MAPK10: variants seen among roughly 807,000 people sequenced by gnomAD.
The protein encoded by MAPK10 is mitogen-activated protein kinase 10.
Under a neutral mutation model 59.3 loss-of-function variants are expected in MAPK10, and 25 were observed. That is an observed-to-expected ratio of 0.42 (90% CI 0.31 to 0.59). The LOEUF (loss-of-function observed/expected upper bound fraction) is 0.59. Among genes scored for constraint, MAPK10 ranks in the 20% least tolerant of loss-of-function variants. MAPK10 has a pLI of 0.15. For synonymous variants in MAPK10, 190 were observed against 200.5 expected, an observed-to-expected ratio of 0.95 and a Z score of 0.44; for missense variants, 351 against 568.9, an observed-to-expected ratio of 0.62 and a Z score of 3.90.
intron 2 of MAPK10, among the ~76,000 whole-genome samples, chr4:86,268,903 A>G (rs2094342651): frequency 6.6e-6 from 1 of 152,260 alleles, no homozygotes; most frequent in African/African-American, 2.4e-5. Context: ...TCTCAGCAGT[A>G]AAATATATAC....
At chr4:86,424,629 C>T (rs1186496911) in intron 1 of MAPK10, among the ~76,000 whole-genome samples, 1 of 152,088 alleles carries the variant, frequency 6.6e-6, no homozygotes, top group African/African-American at 2.4e-5. Flanking sequence ...TGGGAATCTC[C>T]CTCTTGAATC....
chr4:86,478,690 T>C (rs554487551), intron 1 of MAPK10, among the ~76,000 whole-genome samples: 4 of 152,250 alleles, frequency 2.6e-5, no homozygotes, highest in African/African-American at 7.2e-5. Context: ...GCCCCATGAC[T>C]ATATCTCTCT....
chr4:86,186,954 C>A (rs2078385057), intron 3 of MAPK10, among the ~76,000 whole-genome samples: 1 of 152,030 alleles, frequency 6.6e-6, no homozygotes, highest in African/African-American at 2.4e-5. Flanking sequence ...GTTAAGTATA[C>A]CATTGTTTGT....
intron 1 of MAPK10, among the ~76,000 whole-genome samples, chr4:86,398,559 C>T (rs899822019): frequency 5.3e-5 from 8 of 152,084 alleles, no homozygotes; most frequent in East Asian, 1.9e-4. Context: ...TCTTACTTAC[C>T]GCACATTTTT....
At chr4:86,369,452 T>A (rs1011451897) in intron 1 of MAPK10, among the ~76,000 whole-genome samples, 1 of 152,166 alleles carries the variant, frequency 6.6e-6, no homozygotes, top group African/African-American at 2.4e-5. Flanking sequence ...TAATACATGA[T>A]GATCGTATAC....
chr4:86,169,014 G>T (rs567574038), intron 3 of MAPK10, among the ~76,000 whole-genome samples: 1 of 152,238 alleles, frequency 6.6e-6, no homozygotes, highest in South Asian at 2.1e-4. Flanking sequence ...CTGTCTGTTA[G>T]AAGGAAAACT....
chr4:86,117,077 T>C (rs1349879120), intron 4 of MAPK10, among the ~76,000 whole-genome samples: 1 of 152,192 alleles, frequency 6.6e-6, no homozygotes, highest in Non-Finnish European at 1.5e-5. Context: ...CATCATAAAA[T>C]ACATCTTCCA....
intron 1 of MAPK10, among the ~76,000 whole-genome samples, chr4:86,464,862 A>G (rs1268217353): frequency 6.6e-6 from 1 of 152,102 alleles, no homozygotes; most frequent in East Asian, 1.9e-4. Context: ...CACTCACATT[A>G]GGGCTCATAC....
intron 3 of MAPK10, among the ~76,000 whole-genome samples, chr4:86,188,771 G>T (rs1029291574): frequency 6.6e-6 from 1 of 151,936 alleles, no homozygotes; most frequent in African/African-American, 2.4e-5. Flanking sequence ...GTCAATTTTG[G>T]CTTTTGTTGC....
intron 2 of MAPK10, among the ~76,000 whole-genome samples, chr4:86,286,213 AC>A (rs1452068132): frequency 6.6e-6 from 1 of 152,232 alleles, no homozygotes; most frequent in Non-Finnish European, 1.5e-5. Flanking sequence ...TCCTTGGCCT[AC>A]AGAGCAATAG....
intron 1 of MAPK10, among the ~76,000 whole-genome samples, chr4:86,400,633 C>T (rs1419509975): frequency 1.3e-5 from 2 of 152,118 alleles, no homozygotes; most frequent in Non-Finnish European, 2.9e-5. Context: ...AATCAATTTA[C>T]ATCTTTCACA....
At chr4:86,333,660 AG>A (rs1301957191) in intron 2 of MAPK10, among the ~76,000 whole-genome samples, 1 of 152,186 alleles carries the variant, frequency 6.6e-6, no homozygotes, top group Non-Finnish European at 1.5e-5. Context: ...ATACAGAAAA[AG>A]CCCACAATCT....
chr4:86,248,035 C>A (rs1366156579), intron 2 of MAPK10, among the ~76,000 whole-genome samples: 4 of 152,174 alleles, frequency 2.6e-5, no homozygotes, highest in Non-Finnish European at 4.4e-5. Flanking sequence ...GTAGGGTTAA[C>A]AGAGCTAAAT....
At chr4:86,454,338 G>A (rs1057306734), upstream of MAPK10, among the ~76,000 whole-genome samples, 4 of 152,190 alleles carry the variant, frequency 2.6e-5, no homozygotes, top group African/African-American at 7.2e-5. Context: ...TGAGAAAGGC[G>A]AAGCCCAGTG....
chr4:86,409,974 T>C (rs1744917563), intron 1 of MAPK10, among the ~76,000 whole-genome samples: 1 of 152,204 alleles, frequency 6.6e-6, no homozygotes. Context: ...ATCCTTGTCT[T>C]GTGCCAGTTT....
chr4:86,513,446 T>G (rs1028191824), intron 1 of MAPK10, among the ~76,000 whole-genome samples: 6 of 152,168 alleles, frequency 3.9e-5, no homozygotes, highest in Non-Finnish European at 7.3e-5. Context: ...CATAAGATAT[T>G]AGATGACAAA....
intron 1 of MAPK10, among the ~76,000 whole-genome samples, chr4:86,387,756 CG>C (rs1457487667): frequency 4.6e-5 from 7 of 151,806 alleles, no homozygotes; most frequent in African/African-American, 1.7e-4. Context: ...ACTGAACTGA[CG>C]TTTTTTTCAA....
chr4:86,104,306 G>A (rs1258284079), intron 5 of MAPK10, among the ~76,000 whole-genome samples: 1 of 151,948 alleles, frequency 6.6e-6, no homozygotes, highest in East Asian at 1.9e-4. Context: ...CATATATATG[G>A]CAATGTTGTA....
chr4:86,178,080 A>G (rs2076089736), intron 3 of MAPK10, among the ~76,000 whole-genome samples: 1 of 152,042 alleles, frequency 6.6e-6, no homozygotes, highest in Non-Finnish European at 1.5e-5. Context: ...CCACATTAAG[A>G]CTGCTATTTT....
Sources: allele counts gnomAD v4.1 joint callset (sites outside exome capture counted in the v4.1 genomes callset), GRCh38; gene constraint gnomAD v4.1.1; transcripts MANE v1.5; gene names NCBI Gene and HGNC (gene_info 2026-07-23, HGNC 2026-07-21).